Variants in FAM161A observed in about 807,000 individuals in gnomAD.
FAM161A encodes the protein FAM161 centrosomal protein A, also known as protein FAM161A.
FAM161A carries 57 observed loss-of-function variants against 70.9 expected under a neutral mutation model. That is an observed-to-expected ratio of 0.80 (90% CI 0.65 to 1.00). FAM161A has a LOEUF of 1.00. FAM161A is among the 50% of genes least tolerant of loss of function. The pLI, the probability that FAM161A is intolerant of heterozygous loss-of-function variation, is 0.00. For missense variants in FAM161A, 880 were observed against 836.0 expected (o/e 1.05, Z -0.65); for synonymous variants, 299 against 295.7 (o/e 1.01, Z -0.12).
At chr2:61,813,636 T>G in the FAM161A span, among the ~76,000 whole-genome samples, 1 of 150,294 alleles carries the variant, frequency 6.7e-6, no homozygotes, top group Non-Finnish European at 1.5e-5. Context: ...GAAGGATCAC[T>G]TGAGACCAGG....
At chr2:61,836,872 C>A (rs935719057) in intron 4 of FAM161A, 1 of 229,828 alleles carries the variant, frequency 4.4e-6, no homozygotes, top group South Asian at 4.7e-5. Context: ...TTGCGCCTGG[C>A]CTATTAATTT....
chr2:61,804,921 A>T, the FAM161A span, among the ~76,000 whole-genome samples: 1 of 152,092 alleles, frequency 6.6e-6, no homozygotes, highest in African/African-American at 2.4e-5. Context: ...TTTTTCAGAA[A>T]CATGGATGCC....
chr2:61,832,365 A>G (rs942141708), intron 5 of FAM161A, among the ~76,000 whole-genome samples: 2 of 152,218 alleles, frequency 1.3e-5, no homozygotes, highest in African/African-American at 4.8e-5. Flanking sequence ...TCTGGAAATT[A>G]TGTCATTTTT....
chr2:61,837,694 G>A (rs970854264), intron 4 of FAM161A, among the ~76,000 whole-genome samples: 18 of 151,874 alleles, frequency 1.2e-4, no homozygotes, highest in African/African-American at 4.1e-4. Context: ...GCTTGAACTC[G>A]GGATCCAGCC....
intron 1 of FAM161A, among the ~76,000 whole-genome samples, chr2:61,850,872 C>T (rs1278925596): frequency 1.3e-5 from 2 of 151,958 alleles, no homozygotes; most frequent in African/African-American, 4.8e-5. Flanking sequence ...AGTTATGTGT[C>T]TGTTCATTTT....
chr2:61,839,917 A>T lies in FAM161A; in HGVS notation c.1087T>A (p.Ser363Thr). The T allele has an allele frequency of 1.2e-6, 2 of 1,614,166 alleles. No homozygotes were observed. The highest frequency in any genetic ancestry group is 1.7e-6 in the Non-Finnish European group (2 of 1,180,034). Residue 363 changes from serine to threonine, a missense_variant, in exon 3 of 7, where the codon TCT becomes ACT. Transcript: ENST00000404929. ...NRFKARPIPR[S>T]TYGSTTNDKL... ...TCATTGGTAGTTGAACCATAAGTAG[A>T]TCGAGGAATGGGTCTGGCTTTAAAT...
chr2:61,844,000 A>C (rs1034539883), intron 1 of FAM161A, among the ~76,000 whole-genome samples: 5 of 152,130 alleles, frequency 3.3e-5, no homozygotes, highest in Non-Finnish European at 7.4e-5. Flanking sequence ...AAAATTAGCC[A>C]GGTGTGCTGG....
At chr2:61,829,244 G>T (rs1672486041) in intron 5 of FAM161A, among the ~76,000 whole-genome samples, 1 of 152,150 alleles carries the variant, frequency 6.6e-6, no homozygotes, top group Non-Finnish European at 1.5e-5. Context: ...TCTCTAAGTG[G>T]TAGTGGTCGT....
At chr2:61,841,880 G>A (rs1361928444) in intron 2 of FAM161A, among the ~76,000 whole-genome samples, 1 of 152,162 alleles carries the variant, frequency 6.6e-6, no homozygotes, top group East Asian at 1.9e-4. Context: ...TTTGATACAT[G>A]CCCTCAGTTC....
chr2:61,840,705 C>CA, intron 2 of FAM161A, 124 bp from the exon 3 acceptor site: 1 of 741,376 alleles, frequency 1.3e-6, no homozygotes, highest in Non-Finnish European at 2.2e-6. Context: ...GGTTGGAGTG[C>CA]AGTGGTGTGA....
downstream of FAM161A, chr2:61,820,539 A>C (rs1181375748): frequency 1.3e-6 from 1 of 744,900 alleles, no homozygotes; most frequent in Non-Finnish European, 2.5e-6. Flanking sequence ...GCATTAAAGA[A>C]GACACTGAAG....
At chr2:61,840,653 T>C (rs553725891) in intron 2 of FAM161A, 72 bp from the exon 3 acceptor site, 2 of 1,198,938 alleles carry the variant, frequency 1.7e-6, no homozygotes, top group South Asian at 2.6e-5. Flanking sequence ...GAGTTACATA[T>C]TTTCTTTTTT....
rs758153602 is a variant in FAM161A, at chr2:61,853,866, C to T, written c.176G>A (p.Gly59Glu). Residue 59 changes from glycine (G) to glutamate (E), a missense_variant, in exon 1 of 7, where the codon GGG (glycine) becomes GAG (glutamate). Transcript: ENST00000404929. ...GTCCCGCCCCAGTATTACCGATGCC[C>T]CAGCGGGCTGAGCCACTTTCTCCTC... ...EEEEKVAQPAGASADLNTSFS... is the reference protein window; with the variant it reads ...EEEEKVAQPAEASADLNTSFS... 10 of 1,613,940 alleles carry T rather than the reference C, an allele frequency of 6.2e-6. No individual in the cohort carries two copies. In the East Asian group the frequency reaches 1.1e-4, roughly 18 times the overall value.
intron 1 of FAM161A, among the ~76,000 whole-genome samples, chr2:61,852,393 C>G (rs1673527273): frequency 6.6e-6 from 1 of 152,184 alleles, no homozygotes; most frequent in Admixed American, 6.5e-5. Flanking sequence ...ACTGGCAACT[C>G]ATTTACATAG....
At chr2:61,846,704 G>A (rs1181754004) in intron 1 of FAM161A, 1 of 289,586 alleles carries the variant, frequency 3.5e-6, no homozygotes, top group Non-Finnish European at 6.8e-6. Context: ...ATCAGACTCT[G>A]CTAAAAGTGG....
At chr2:61,803,511 A>T in the FAM161A span, 1 of 517,414 alleles carries the variant, frequency 1.9e-6, no homozygotes, top group Non-Finnish European at 3.5e-6. Context: ...GCCATTGAGG[A>T]TTTTTCACAA....
the FAM161A span, among the ~76,000 whole-genome samples, chr2:61,817,690 G>A: frequency 6.6e-6 from 1 of 152,210 alleles, no homozygotes. Flanking sequence ...ACATAGGCCA[G>A]GTGCGGTGGC....
rs1449379145 is a variant in FAM161A at position 61,827,188 on chromosome 2, A to G, written c.1922T>C (p.Phe641Ser). 4 of 1,613,998 alleles carry G rather than the reference A, an allele frequency of 2.5e-6. No individual in the cohort carries two copies. The highest frequency in any genetic ancestry group is 3.4e-6 in the Non-Finnish European group (4 of 1,179,996). The change falls in exon 6 of 7, where the codon TTT becomes TCT. Residue 641 changes from phenylalanine (F) to serine (S), a missense_variant. Coordinates refer to ENST00000404929, the MANE Select transcript of FAM161A (RefSeq NM_001201543.2). The stretch of plus-strand genomic sequence containing the variant: ...TCCACTTTGGCCTTTCTTTGAAACA[A>G]ACTCATCAGATATTCCTAGTGCTTT... ...TLKALGISDEFVSKKGQSGKV... is the reference protein window; with the variant it reads ...TLKALGISDESVSKKGQSGKV...
intron 5 of FAM161A, among the ~76,000 whole-genome samples, chr2:61,830,683 C>CG (rs1672536570): frequency 2.4e-5 from 2 of 82,122 alleles, no homozygotes; most frequent in Admixed American, 3.1e-4. Context: ...GACCCTGTCT[C>CG]AAAAAAAAAA....
Sources: gnomAD v4.1 joint callset for allele counts (sites outside exome capture counted in the v4.1 genomes callset) on GRCh38, gnomAD v4.1.1 for gene constraint, MANE v1.5 for transcripts, NCBI Gene and HGNC (gene_info 2026-07-23, HGNC 2026-07-21) for gene names.